CACNA1G: variants seen among roughly 807,000 people sequenced by gnomAD.
The protein encoded by CACNA1G is voltage-dependent T-type calcium channel subunit alpha-1G.
A neutral mutation model predicts 219.4 loss-of-function variants in CACNA1G; 67 were observed. The observed-to-expected ratio is 0.31, with a 90% CI of 0.25 to 0.37. The LOEUF (loss-of-function observed/expected upper bound fraction) is 0.37. Ranked by LOEUF, CACNA1G falls within the 10% of genes least tolerant of loss-of-function variation. The probability of loss-of-function intolerance (pLI) is 1.00; values close to 1 mark genes in which losing one functional copy is unlikely to be tolerated. For synonymous variants in CACNA1G, 1,296 were observed against 1,345.3 expected (o/e 0.96, Z 0.80); for missense variants, 2,380 against 3,231.4 (o/e 0.74, Z 6.39).
chr17:50,597,044 T>C (rs2045711456), intron 16 of CACNA1G, 121 bp downstream of exon 16: 1 of 933,230 alleles, frequency 1.1e-6, no homozygotes, highest in East Asian at 2.7e-5. Flanking sequence ...GGATGGGGCC[T>C]GGGTGTGCCT....
In CACNA1G at chr17:50,569,442, C is replaced by T. The variant is rs1017184075; in HGVS notation, c.488+144C>T. ...GCTATCTCCTGAGGGTCTGAGGCTG[C>T]CCTGCCTCTAGCACTGTAGCCTATA... On this transcript the variant is annotated intron_variant, in intron 3 of 37. Coordinates refer to ENST00000359106, the MANE Select transcript of CACNA1G (RefSeq NM_018896.5). 89 of 885,338 alleles carry T rather than the reference C, an allele frequency of 1.0e-4. 2 individuals carry two copies. In the African/African-American group the frequency reaches 1.3e-3, roughly 13 times the overall value. The allele number at this position is 885,338 out of a possible 1,614,324, so 54.8% of individuals were successfully genotyped here. A position where few individuals can be genotyped will look rare whatever the true frequency, so the allele number is the denominator to read the frequency against.
intron 1 of CACNA1G, among the ~76,000 whole-genome samples, chr17:50,565,733 C>G (rs370565648): frequency 6.6e-6 from 1 of 152,152 alleles, no homozygotes; most frequent in Non-Finnish European, 1.5e-5. Context: ...CTCACCCTTG[C>G]GGCTGCCAGG....
rs143227997 is a variant in CACNA1G at position 50,566,672 on chromosome 17, C to T, written c.243-2198C>T. 2.5e-4 allele frequency among the ~76,000 whole-genome samples: 38 copies of T among 152,372 alleles called. No homozygotes were observed. In the East Asian group the frequency reaches 6.9e-3, roughly 28 times the overall value. ...GCAGGAAGACCTGAATGGGGACACA[C>T]ATCTGGCTTCTAGGCAGGGAGACTT... On this transcript the variant is annotated intron_variant, in intron 1 of 37. Coordinates refer to ENST00000359106, the MANE Select transcript of CACNA1G (RefSeq NM_018896.5).
intron 13 of CACNA1G, 94 bp from the exon 14 acceptor site, chr17:50,594,899 T>G (rs763517808): frequency 3.2e-6 from 3 of 925,012 alleles, no homozygotes; most frequent in Non-Finnish European, 5.1e-6. Context: ...TTTGCGCCCC[T>G]CCTTTTCTTC....
chr17:50,626,968 C>T lies in CACNA1G; in HGVS notation c.*217C>T, dbSNP rs570788896. On this transcript the variant is annotated 3_prime_UTR_variant, in exon 38 of 38. Transcript: ENST00000359106. The surrounding 1 kb of genome is among the most constrained non-coding windows in gnomAD (Gnocchi z 4.3). Reference sequence around the variant, plus strand: ...CTGGCTCCAGGCAGAAGGAGAGGCCCGGTGCAGCTGAGGTTCCCGACACCA... The same window carrying T: ...CTGGCTCCAGGCAGAAGGAGAGGCCTGGTGCAGCTGAGGTTCCCGACACCA... 3.0e-5 allele frequency: 21 copies of T among 699,900 alleles called. No individual in the cohort carries two copies. Among genetic ancestry groups the T allele is most frequent in the Non-Finnish European group, 2.1e-5 (8 of 386,452 alleles). The allele number at this position is 699,900 out of a possible 1,614,324, so 43.4% of individuals were successfully genotyped here. A position where few individuals can be genotyped will look rare whatever the true frequency, so the allele number is the denominator to read the frequency against.
At chr17:50,577,713 T>C (rs1333987602) in intron 8 of CACNA1G, among the ~76,000 whole-genome samples, 1 of 151,982 alleles carries the variant, frequency 6.6e-6, no homozygotes, top group African/African-American at 2.4e-5. Context: ...CCAAATAGTA[T>C]ACATGTGTAC....
rs2039419368 is a variant in CACNA1G, at chr17:50,571,418, G to C, written c.587-460G>C. 6.6e-6 allele frequency among the ~76,000 whole-genome samples: 1 copy of C among 152,172 alleles called. No individual in the cohort carries two copies. Among genetic ancestry groups the C allele is most frequent in the Non-Finnish European group, 1.5e-5 (1 of 68,034 alleles). On this transcript the variant is annotated intron_variant, in intron 4 of 37. Coordinates refer to ENST00000359106, the MANE Select transcript of CACNA1G (RefSeq NM_018896.5). The surrounding 1 kb of genome is among the most constrained non-coding windows in gnomAD (Gnocchi z 4.3). ...GTTGAGAGAAGGAAGTAGGTAGGGA[G>C]TGTGCGTGTGAATGTGTGCGGGTGT...
intron 1 of CACNA1G, among the ~76,000 whole-genome samples, chr17:50,567,395 G>A (rs2038199649): frequency 6.6e-6 from 1 of 152,120 alleles, no homozygotes; most frequent in Non-Finnish European, 1.5e-5. Context: ...GGGCTGTCAG[G>A]GGTTTGAGGG....
chr17:50,564,989 T>C (rs926544664), intron 1 of CACNA1G, among the ~76,000 whole-genome samples: 9 of 151,920 alleles, frequency 5.9e-5, no homozygotes, highest in Admixed American at 2.6e-4. Flanking sequence ...GTAGTGCCAG[T>C]TGGAGCCATT....
chr17:50,618,607 C>A lies in CACNA1G; in HGVS notation c.5428-48C>A, dbSNP rs766732925. 5.6e-6 allele frequency: 8 copies of A among 1,433,476 alleles called. No homozygotes were observed. Among genetic ancestry groups the A allele is most frequent in the Admixed American group, 5.3e-5 (3 of 56,144 alleles). 88.8% of individuals were successfully genotyped at this position (1,433,476 alleles called of 1,614,324 possible). On this transcript the variant is annotated intron_variant, in intron 32 of 37. Coordinates refer to ENST00000359106, the MANE Select transcript of CACNA1G (RefSeq NM_018896.5). This position sits in a 1 kb window ranked among gnomAD's most constrained non-coding sequence, Gnocchi z 5.3. ...AGTGACCTGATTTTCCACAACAGCT[C>A]CAACAACTGTCCTCCCCAGCCTCAC...
chr17:50,573,419 A>G, intron 7 of CACNA1G: 1 of 269,660 alleles, frequency 3.7e-6, no homozygotes, highest in Non-Finnish European at 7.0e-6. Flanking sequence ...AGATGATACC[A>G]CCTCTCCCAG....
At chr17:50,583,093 C>T (rs1333813987) in intron 9 of CACNA1G, among the ~76,000 whole-genome samples, 1 of 152,096 alleles carries the variant, frequency 6.6e-6, no homozygotes, top group African/African-American at 2.4e-5. Context: ...GACCCTCTCC[C>T]CAGAAAATCC....
At chr17:50,604,523 G>A (rs556924416) in intron 22 of CACNA1G, among the ~76,000 whole-genome samples, 6 of 152,374 alleles carry the variant, frequency 3.9e-5, no homozygotes, top group African/African-American at 1.4e-4. Context: ...CATGGGAGCC[G>A]CAGGCTGCTG....
chr17:50,592,560 G>T (rs1029762877), intron 13 of CACNA1G, among the ~76,000 whole-genome samples: 3 of 152,222 alleles, frequency 2.0e-5, no homozygotes, highest in Admixed American at 2.0e-4. Context: ...CCCAGGGTGA[G>T]AAATGAGCCC....
At chr17:50,579,688 C>A (rs2041506636) in intron 9 of CACNA1G, among the ~76,000 whole-genome samples, 1 of 152,190 alleles carries the variant, frequency 6.6e-6, no homozygotes, top group Non-Finnish European at 1.5e-5. Flanking sequence ...CAGAACCCAA[C>A]CTTCCCTGGT....
Position 50,578,242 on chromosome 17 carries a change from G to T in CACNA1G, c.1979G>T (p.Gly660Val). The T allele has an allele frequency of 6.2e-7, 1 of 1,608,270 alleles. No individual in the cohort carries two copies. The highest frequency in any genetic ancestry group is 8.5e-7 in the Non-Finnish European group (1 of 1,176,878). ...ISSPCLKADS[G>V]ACGPDSCPYC... is the part of the protein sequence containing the mutation. ...AGCCCTTGCTTGAAAGCAGACAGTG[G>T]AGCCTGTGGTCCAGACAGCTGCCCC... Residue 660 changes from glycine (G) to valine (V), a missense_variant, in exon 9 of 38, where the codon GGA (glycine) becomes GTA (valine). Coordinates refer to ENST00000359106, the MANE Select transcript of CACNA1G (RefSeq NM_018896.5). The surrounding 1 kb of genome is among the most constrained non-coding windows in gnomAD (Gnocchi z 4.5).
At chr17:50,597,192 C>A (rs886210622) in intron 16 of CACNA1G, among the ~76,000 whole-genome samples, 4 of 152,224 alleles carry the variant, frequency 2.6e-5, no homozygotes, top group Non-Finnish European at 4.4e-5. Context: ...CCGCTCTGAT[C>A]TGCTTCTGTA....
chr17:50,616,210 G>A, intron 27 of CACNA1G, 65 bp from the exon 28 acceptor site: 2 of 947,778 alleles, frequency 2.1e-6, no homozygotes, highest in Non-Finnish European at 1.7e-6. Flanking sequence ...ATGATGGAGG[G>A]GCGGGGGGAC....
intron 37 of CACNA1G, among the ~76,000 whole-genome samples, chr17:50,625,147 T>C (rs376621854): frequency 5.3e-5 from 8 of 152,086 alleles, no homozygotes; most frequent in Admixed American, 2.6e-4. Context: ...AGATGGGGTT[T>C]CTCCATGTTG....
Sources: gnomAD v4.1 joint callset for allele counts (sites outside exome capture counted in the v4.1 genomes callset) on GRCh38, gnomAD v4.1.1 for gene constraint, Gnocchi (gnomAD v3.1) non-coding constraint, MANE v1.5 for transcripts, NCBI Gene and HGNC (gene_info 2026-07-23, HGNC 2026-07-21) for gene names.